Variants in HMGB3 observed in about 807,000 individuals in gnomAD.
The protein encoded by HMGB3 is high mobility group protein B3.
In HMGB3, 1 loss-of-function variant was observed where a neutral mutation model predicts 12.9. The ratio of observed to expected loss-of-function variants is 0.08; its 90% confidence interval spans 0.03 to 0.37. HMGB3 has a LOEUF of 0.37. HMGB3 is among the 10% of genes least tolerant of loss of function. HMGB3 has a pLI of 0.99. For missense variants in HMGB3, 74 were observed against 153.3 expected (o/e 0.48, Z 2.73); for synonymous variants, 61 against 53.9 (o/e 1.13, Z -0.57).
At position 150,983,424 on chromosome X, in the gene HMGB3, C is replaced by T. The variant is rs1444785983; in HGVS notation, c.-6+48C>T. The T allele has an allele frequency of 6.0e-6, 4 of 662,434 alleles. No homozygotes were observed. In the East Asian group the frequency reaches 4.8e-4, roughly 80 times the overall value. 54.6% of individuals were successfully genotyped at this position (662,434 alleles called of 1,213,427 possible). A position where few individuals can be genotyped will look rare whatever the true frequency, so the allele number is the denominator to read the frequency against. ...CCGCCGCCGCCGCCGCCGCCGCCGCCGCCGCCGCCGCCGCCGCCGCCGCCG... is the reference window on the plus strand; with the variant it reads ...CCGCCGCCGCCGCCGCCGCCGCCGCTGCCGCCGCCGCCGCCGCCGCCGCCG... On this transcript the variant is annotated intron_variant, in intron 1 of 4. Transcript: ENST00000325307.
chrX:150,980,660 T>C, upstream of HMGB3: 1 of 723,041 alleles, frequency 1.4e-6, no homozygotes, highest in Non-Finnish European at 1.6e-6. Flanking sequence ...TGGGGAGAAA[T>C]AGATGGTCAA....
rs1471549049 is a variant in HMGB3, at chrX:150,989,350, G to GA, written c.*1438dup. The GA allele has an allele frequency of 9.0e-6, 1 of 110,903 alleles. No individual in the cohort carries two copies. The highest frequency in any genetic ancestry group is 3.3e-5 in the African/African-American group (1 of 30,508). 9.1% of individuals were successfully genotyped at this position (110,903 alleles called of 1,213,427 possible). On this transcript the variant is annotated 3_prime_UTR_variant, in exon 5 of 5. Transcript: ENST00000325307. ...ACTTGGAAACACCAAACACCCCAAG[G>GA]AAGATGATAGGCTCCATCTTGGGCC... is the stretch of plus-strand genomic sequence containing the variant.
chrX:150,985,946 A>C (rs1420091445), intron 2 of HMGB3, 105 bp from the exon 3 acceptor site: 4 of 926,356 alleles, frequency 4.3e-6, no homozygotes, highest in Non-Finnish European at 6.0e-6. Flanking sequence ...GCCTTTACCT[A>C]CCCCCTTTTG....
rs1467788507 is a variant in HMGB3 at position 150,989,698 on chromosome X, T to C, written c.*1784T>C. 1.8e-5 allele frequency: 2 copies of C among 111,927 alleles called. No homozygotes were observed. Among genetic ancestry groups the C allele is most frequent in the African/African-American group, 6.5e-5 (2 of 30,784 alleles). The allele number at this position is 111,927 out of a possible 1,213,427, so 9.2% of individuals were successfully genotyped here. On this transcript the variant is annotated 3_prime_UTR_variant, in exon 5 of 5. Transcript: ENST00000325307. Reference sequence around the variant, plus strand: ...GTACTGTGTTGTGGGTGAGTGTTGCTATTGCCCAGCATTAATATTTGGGTG... The same window carrying C: ...GTACTGTGTTGTGGGTGAGTGTTGCCATTGCCCAGCATTAATATTTGGGTG...
chrX:150,987,640 A>G (rs1199153971), intron 4 of HMGB3, 137 bp from the exon 5 acceptor site: 28 of 506,665 alleles, frequency 5.5e-5, no homozygotes, highest in Non-Finnish European at 8.1e-5. Context: ...ATATGGAAAC[A>G]CTTCAGATAT....
upstream of HMGB3, among the ~76,000 whole-genome samples, chrX:150,981,870 G>A (rs1158761778): frequency 1.8e-5 from 2 of 111,557 alleles, no homozygotes; most frequent in African/African-American, 6.5e-5. Context: ...AGGGGGCGTA[G>A]GGGTGAAGAA....
chrX:150,980,905 C>T (rs1342717526), upstream of HMGB3, among the ~76,000 whole-genome samples: 3 of 111,792 alleles, frequency 2.7e-5, no homozygotes, highest in African/African-American at 1.0e-4. Context: ...CTGGTTCCCC[C>T]ACCAAGGTGC....
chrX:150,986,640 TACAC>T (rs1181433449), intron 3 of HMGB3, among the ~76,000 whole-genome samples: 3 of 110,757 alleles, frequency 2.7e-5, no homozygotes, highest in Admixed American at 9.6e-5. Context: ...TATATATGCA[TACAC>T]ACACACACGC....
chrX:150,987,117 A>T lies in HMGB3; in HGVS notation c.291-11A>T, dbSNP rs782361801. The T allele has an allele frequency of 7.6e-6, 9 of 1,183,518 alleles. No individual in the cohort carries two copies. In the East Asian group the frequency reaches 2.7e-4, roughly 35 times the overall value. ...TGTGGTTTCTCATGTAATGTATGTA[A>T]TTCTTCCAAGGTCTGGATTCTTCCT... On this transcript the variant is annotated splice_polypyrimidine_tract_variant and intron_variant, in intron 3 of 4. Coordinates refer to ENST00000325307, the MANE Select transcript of HMGB3 (RefSeq NM_005342.4).
upstream of HMGB3, chrX:150,980,718 G>A: frequency 2.6e-6 from 1 of 386,023 alleles, no homozygotes; most frequent in Non-Finnish European, 3.3e-6. Context: ...TCTTGAGGGT[G>A]GCAACTGGGG....
rs2048086233 is a variant in HMGB3 at position 150,989,086 on chromosome X, C to T, written c.*1172C>T. 1 of 111,748 alleles carries T rather than the reference C, an allele frequency of 8.9e-6. No homozygotes were observed. Among genetic ancestry groups the T allele is most frequent in the Admixed American group, 9.5e-5 (1 of 10,523 alleles). 9.2% of individuals were successfully genotyped at this position (111,748 alleles called of 1,213,427 possible). A position where few individuals can be genotyped will look rare whatever the true frequency, so the allele number is the denominator to read the frequency against. ...GTTTAACTTTTGTCCCACCTCCACC[C>T]CCTATTTTGTGGGGCCAAATGCATT... On this transcript the variant is annotated 3_prime_UTR_variant, in exon 5 of 5. Coordinates refer to ENST00000325307, the MANE Select transcript of HMGB3 (RefSeq NM_005342.4).
At chrX:150,983,601 C>T in intron 1 of HMGB3, 2 of 751,688 alleles carry the variant, frequency 2.7e-6, no homozygotes, top group Non-Finnish European at 3.1e-6. Context: ...GGTGTTTCAA[C>T]TTTTCCAACG....
intron 1 of HMGB3, among the ~76,000 whole-genome samples, chrX:150,984,032 C>T (rs2048019998): frequency 9.9e-6 from 1 of 101,333 alleles, no homozygotes; most frequent in East Asian, 3.3e-4. Flanking sequence ...CCCCCTCTCG[C>T]CTCCCGCCCG....
rs782599818 is a variant in HMGB3 at position 150,987,960 on chromosome X, C to T, written c.*46C>T. On this transcript the variant is annotated 3_prime_UTR_variant, in exon 5 of 5. Coordinates refer to ENST00000325307, the MANE Select transcript of HMGB3 (RefSeq NM_005342.4). Reference sequence around the variant, plus strand: ...CTTGTGAATACTTAGAGTAGGGGAGCGCCGTAATTGACACATCTCTTATTT... The same window carrying T: ...CTTGTGAATACTTAGAGTAGGGGAGTGCCGTAATTGACACATCTCTTATTT... The T allele has an allele frequency of 3.8e-5, 44 of 1,149,763 alleles. No individual in the cohort carries two copies. The highest frequency in any genetic ancestry group is 4.9e-5 in the Non-Finnish European group (43 of 870,131). 94.8% of individuals were successfully genotyped at this position (1,149,763 alleles called of 1,213,427 possible).
intron 1 of HMGB3, among the ~76,000 whole-genome samples, chrX:150,985,096 G>T: frequency 9.0e-6 from 1 of 111,581 alleles, no homozygotes; most frequent in East Asian, 2.8e-4. Flanking sequence ...GACAATTTCA[G>T]ATGTCCCCTA....
chrX:150,990,038 C>T lies in HMGB3; in HGVS notation c.*2124C>T, dbSNP rs1373779591. 1 of 112,284 alleles carries T rather than the reference C, an allele frequency of 8.9e-6. No homozygotes were observed. Among genetic ancestry groups the T allele is most frequent in the Non-Finnish European group, 1.9e-5 (1 of 53,324 alleles). 9.3% of individuals were successfully genotyped at this position (112,284 alleles called of 1,213,427 possible). On this transcript the variant is annotated 3_prime_UTR_variant, in exon 5 of 5. Transcript: ENST00000325307. The stretch of plus-strand genomic sequence containing the variant: ...AGGCACTTGTTCCAGAATTTCCCCT[C>T]CTGCTTCAGCCATGTCCTTGTCACT...
upstream of HMGB3, among the ~76,000 whole-genome samples, chrX:150,981,639 G>A (rs1557425089): frequency 9.1e-6 from 1 of 110,443 alleles, no homozygotes; most frequent in Non-Finnish European, 1.9e-5. Flanking sequence ...TGTATTTTTA[G>A]TAGAGACGGG....
At chrX:150,980,649 G>A, upstream of HMGB3, 1 of 736,901 alleles carries the variant, frequency 1.4e-6, no homozygotes, top group Non-Finnish European at 1.6e-6. Context: ...TTCGAAGTAT[G>A]TGGGGAGAAA....
Position 150,986,059 on chromosome X carries a change from C to A in HMGB3, c.159C>A (p.Ser53=). 1 of 1,205,978 alleles carries A rather than the reference C, an allele frequency of 8.3e-7. No homozygotes were observed. The highest frequency in any genetic ancestry group is 1.1e-6 in the Non-Finnish European group (1 of 893,427). ...KKCSERWKTM[S]GKEKSKFDEM... ...AGTCCTGTTCTTTGCAGACGATGTC[C>A]GGGAAAGAGAAATCTAAATTTGATG... Residue 53 remains serine, a synonymous_variant, in exon 3 of 5, where the codon TCC becomes TCA. Transcript: ENST00000325307.
Sources: gnomAD v4.1 joint callset for allele counts (sites outside exome capture counted in the v4.1 genomes callset) on GRCh38, gnomAD v4.1.1 for gene constraint, MANE v1.5 for transcripts, NCBI Gene and HGNC (gene_info 2026-07-23, HGNC 2026-07-21) for gene names.